Variants in RHBDL3 observed in about 807,000 individuals in gnomAD.
RHBDL3 encodes the protein rhomboid-related protein 3.
A neutral mutation model predicts 48.2 loss-of-function variants in RHBDL3; 28 were observed. The ratio of observed to expected loss-of-function variants is 0.58; its 90% CI spans 0.43 to 0.80. The LOEUF is 0.80. Ranked by LOEUF, RHBDL3 falls within the 30% of genes least tolerant of loss-of-function variation. The pLI is 0.00. For synonymous variants in RHBDL3, 208 were observed against 232.3 expected, an observed-to-expected ratio of 0.90 and a Z score of 0.95; for missense variants, 464 against 542.7, an observed-to-expected ratio of 0.85 and a Z score of 1.44.
At chr17:32,312,893 T>TC (rs2040879028) in intron 7 of RHBDL3, among the ~76,000 whole-genome samples, 1 of 152,004 alleles carries the variant, frequency 6.6e-6, no homozygotes, top group Non-Finnish European at 1.5e-5. Context: ...CACTGCAACC[T>TC]CCACCTCCTG....
At chr17:32,297,970 G>A (rs1597659886) in intron 5 of RHBDL3, 122 bp from the exon 6 acceptor site, 2 of 701,490 alleles carry the variant, frequency 2.9e-6, no homozygotes, top group East Asian at 2.6e-5. Context: ...CTCCTCGCAG[G>A]CAGAGGTGGT....
chr17:32,285,956 A>G (rs1452682761), intron 3 of RHBDL3, among the ~76,000 whole-genome samples: 1 of 152,160 alleles, frequency 6.6e-6, no homozygotes, highest in South Asian at 2.1e-4. Flanking sequence ...CGTGATTGCA[A>G]GGAGCTGCTG....
In RHBDL3 at chr17:32,314,851, G is replaced by C. The variant is rs943345668; in HGVS notation, c.883-1381G>C. Among the ~76,000 whole-genome samples, 5 of 152,348 alleles carry C rather than the reference G, an allele frequency of 3.3e-5. No individual in the cohort carries two copies. The East Asian group carries it at 9.6e-4, about 29-fold the overall frequency. On this transcript the variant is annotated intron_variant, in intron 7 of 8. Transcript: ENST00000269051. Reference sequence around the variant, plus strand: ...CCTCGTCTCCTGGCAAGGCTCCTCTGTGGGCAGACACCAGCAGATGACACC... The same window carrying C: ...CCTCGTCTCCTGGCAAGGCTCCTCTCTGGGCAGACACCAGCAGATGACACC...
At chr17:32,282,284 G>A (rs1166478801) in intron 2 of RHBDL3, among the ~76,000 whole-genome samples, 1 of 152,194 alleles carries the variant, frequency 6.6e-6, no homozygotes, top group African/African-American at 2.4e-5. Context: ...ATATGCCTCG[G>A]GGCCAGGCAT....
chr17:32,280,846 C>G (rs2040024545), intron 2 of RHBDL3: 1 of 152,674 alleles, frequency 6.5e-6, no homozygotes, highest in African/African-American at 2.4e-5. Flanking sequence ...CTGGCTCTCT[C>G]TGTCTCTTTC....
At chr17:32,286,155 T>G (rs116251733) in intron 3 of RHBDL3, among the ~76,000 whole-genome samples, 1,773 of 152,266 alleles carry the variant, frequency 0.012, 38 homozygotes, top group African/African-American at 0.041. Flanking sequence ...GCCAAAGGTT[T>G]GAGCCTGCCC....
rs147012572 is a variant in RHBDL3, at chr17:32,267,439, A to AGGGG, written c.112-458_112-455dup. Reference sequence around the variant, plus strand: ...CAGAGGTGAGTTCTCCTGGGGGGGGAGGGGGGGGCTCTAGCTCCCAGCAGG... The same window carrying AGGGG: ...CAGAGGTGAGTTCTCCTGGGGGGGGAGGGGGGGGGGGGCTCTAGCTCCCAGCAGG... On this transcript the variant is annotated intron_variant, in intron 1 of 8. Coordinates refer to ENST00000269051, the MANE Select transcript of RHBDL3 (RefSeq NM_138328.3). Among the ~76,000 whole-genome samples, 981 of 135,452 alleles carry AGGGG rather than the reference A, an allele frequency of 7.2e-3. 35 individuals are homozygous for AGGGG. The highest frequency in any genetic ancestry group is 0.027 in the African/African-American group (903 of 33,136). The allele number at this position is 135,452 out of a possible 152,430, so 88.9% of individuals were successfully genotyped here.
At chr17:32,307,460 A>G (rs539274277) in intron 7 of RHBDL3, among the ~76,000 whole-genome samples, 17 of 152,204 alleles carry the variant, frequency 1.1e-4, no homozygotes, top group Non-Finnish European at 2.1e-4. Context: ...CCTGCTCCCA[A>G]CCCTGTCCCT....
intron 3 of RHBDL3, among the ~76,000 whole-genome samples, chr17:32,285,425 T>A (rs972555178): frequency 1.3e-5 from 2 of 151,776 alleles, no homozygotes; most frequent in African/African-American, 4.8e-5. Context: ...CAGTGCAGCA[T>A]GTGGTAGAGC....
intron 2 of RHBDL3, among the ~76,000 whole-genome samples, chr17:32,274,537 A>G (rs1368134754): frequency 6.6e-6 from 1 of 152,206 alleles, no homozygotes; most frequent in African/African-American, 2.4e-5. Flanking sequence ...TTGATCTCTC[A>G]GCAGCCCTGT....
chr17:32,302,549 ATAT>A (rs562151222), intron 6 of RHBDL3, among the ~76,000 whole-genome samples: 6,140 of 49,202 alleles, frequency 0.12, 157 homozygotes, highest in African/African-American at 0.16. Flanking sequence ...ATATATATAT[ATAT>A]TTTTTTTTAG....
intron 5 of RHBDL3, among the ~76,000 whole-genome samples, chr17:32,295,955 G>A (rs1018732508): frequency 3.9e-5 from 6 of 152,040 alleles, no homozygotes; most frequent in Non-Finnish European, 8.8e-5. Context: ...AGCCGGGCGC[G>A]GTGGCTCACG....
chr17:32,320,917 A>C, intron 8 of RHBDL3, 41 bp from the exon 9 acceptor site: 3 of 1,495,598 alleles, frequency 2.0e-6, no homozygotes, highest in Non-Finnish European at 2.8e-6. Flanking sequence ...GCCCCTGCTC[A>C]GGGCCCTCCT....
At chr17:32,307,300 C>T (rs2040733664) in intron 7 of RHBDL3, among the ~76,000 whole-genome samples, 1 of 152,182 alleles carries the variant, frequency 6.6e-6, no homozygotes, top group Admixed American at 6.5e-5. Flanking sequence ...CATAGCTTTT[C>T]TTTGGGGTCC....
chr17:32,283,408 G>A (rs888897948), intron 2 of RHBDL3, among the ~76,000 whole-genome samples: 15 of 137,716 alleles, frequency 1.1e-4, no homozygotes, highest in African/African-American at 3.3e-4. Context: ...TGCAAGCTCC[G>A]CCTCCCAGGT....
intron 2 of RHBDL3, among the ~76,000 whole-genome samples, chr17:32,278,661 T>C (rs961553035): frequency 6.6e-6 from 1 of 152,174 alleles, no homozygotes; most frequent in African/African-American, 2.4e-5. Context: ...TCTGCACCTA[T>C]TACCAGCCAT....
intron 4 of RHBDL3, among the ~76,000 whole-genome samples, chr17:32,293,589 A>C (rs1486282235): frequency 1.3e-5 from 2 of 151,932 alleles, no homozygotes; most frequent in East Asian, 3.9e-4. Flanking sequence ...CAAAAAAAAA[A>C]AAACCCAAAA....
rs1031547753 is a variant in RHBDL3, at chr17:32,270,657, A to T, written c.135+2732A>T. Among the ~76,000 whole-genome samples, 4 of 152,060 alleles carry T rather than the reference A, an allele frequency of 2.6e-5. No individual in the cohort carries two copies. The East Asian group carries it at 7.7e-4, about 29-fold the overall frequency. On this transcript the variant is annotated intron_variant, in intron 2 of 8. Transcript: ENST00000269051. The stretch of plus-strand genomic sequence containing the variant: ...TCAAGCAGGAGTGTTAGCAGGGCCA[A>T]TCCATGCCACGCACCCTCACTCCCC...
In RHBDL3 at chr17:32,300,206, G is replaced by A. The variant is rs72811072; in HGVS notation, c.781+2002G>A. Among the ~76,000 whole-genome samples, 226 of 152,280 alleles carry A rather than the reference G, an allele frequency of 1.5e-3. 1 individual carries two copies. Among genetic ancestry groups the A allele is most frequent in the Non-Finnish European group, 2.2e-3 (153 of 68,034 alleles). ...ATCTCAACCACTATAATAGTATGAC[G>A]AGAACCAAAAGGTGGTCCTTGTCCT... On this transcript the variant is annotated intron_variant, in intron 6 of 8. Coordinates refer to ENST00000269051, the MANE Select transcript of RHBDL3 (RefSeq NM_138328.3).
Sources: allele counts gnomAD v4.1 joint callset (sites outside exome capture counted in the v4.1 genomes callset), GRCh38; gene constraint gnomAD v4.1.1; transcripts MANE v1.5; gene names NCBI Gene and HGNC (gene_info 2026-07-23, HGNC 2026-07-21).